The following PGRMC2 variants were observed in gnomAD, a reference collection of about 807,000 sequenced individuals.
PGRMC2 encodes progesterone receptor membrane component 2, also known as membrane-associated progesterone receptor component 2.
A neutral mutation model predicts 19.3 loss-of-function variants in PGRMC2; 9 were observed. That is an observed-to-expected ratio of 0.47 (90% CI 0.28 to 0.81). The LOEUF is 0.81. PGRMC2 is among the 40% of genes least tolerant of loss of function. The pLI is 0.11. For synonymous variants in PGRMC2, 157 were observed against 124.6 expected, an observed-to-expected ratio of 1.26 and a Z score of -1.73; for missense variants, 289 against 297.3, an observed-to-expected ratio of 0.97 and a Z score of 0.21.
chr4:128,278,685 A>G (rs936460350), intron 1 of PGRMC2, among the ~76,000 whole-genome samples: 3 of 152,212 alleles, frequency 2.0e-5, no homozygotes, highest in Non-Finnish European at 4.4e-5. Flanking sequence ...TACTAAAAAA[A>G]CTACAGATTT....
intron 1 of PGRMC2, among the ~76,000 whole-genome samples, chr4:128,279,364 C>T (rs7677888): frequency 0.23 from 35,131 of 152,040 alleles, 4,319 homozygotes; most frequent in Admixed American, 0.3. Context: ...ACCATTTTAA[C>T]CTCTCAAGAG....
intron 1 of PGRMC2, among the ~76,000 whole-genome samples, chr4:128,284,120 GTTTT>G (rs1482226199): frequency 6.6e-6 from 1 of 151,832 alleles, no homozygotes; most frequent in South Asian, 2.1e-4. Context: ...CGAAAGGCAT[GTTTT>G]TTTTGAGGCT....
rs1554073301 is a variant in PGRMC2, at chr4:128,287,638, G to GC, written c.152dup (p.Gly52ArgfsTer98). ...GCGCCACGTTCAGCAGCATTTCCCC[G>GC]CCCCCCGTCAGAAGCGCCAACGCCG... On this transcript the variant is annotated frameshift_variant, in exon 1 of 3. Coordinates refer to ENST00000296425, the MANE Select transcript of PGRMC2 (RefSeq NM_006320.6). LOFTEE classifies it high-confidence loss of function. 6.9e-7 allele frequency: 1 copy of GC among 1,454,862 alleles called. No homozygotes were observed. The highest frequency in any genetic ancestry group is 1.2e-5 in the South Asian group (1 of 82,384). The allele number at this position is 1,454,862 out of a possible 1,614,324, so 90.1% of individuals were successfully genotyped here.
intron 1 of PGRMC2, among the ~76,000 whole-genome samples, chr4:128,281,481 A>G (rs922107967): frequency 6.6e-6 from 1 of 152,182 alleles, no homozygotes; most frequent in Non-Finnish European, 1.5e-5. Flanking sequence ...AGTAGAGGAG[A>G]GAAAATGGAA....
At position 128,287,812 on chromosome 4, in the gene PGRMC2, T is replaced by A; in HGVS notation, c.-22A>T. ...CCATCACTGCCCGCCAGCGCCTTCC[T>A]CCTCCTCCCCGCCCCCTGCCCTCCC... On this transcript the variant is annotated 5_prime_UTR_variant, in exon 1 of 3. Coordinates refer to ENST00000296425, the MANE Select transcript of PGRMC2 (RefSeq NM_006320.6). 6.6e-7 allele frequency: 1 copy of A among 1,513,648 alleles called. No individual in the cohort carries two copies. Among genetic ancestry groups the A allele is most frequent in the Non-Finnish European group, 8.9e-7 (1 of 1,117,954 alleles). 93.8% of individuals were successfully genotyped at this position (1,513,648 alleles called of 1,614,324 possible).
chr4:128,280,221 TAAGA>T (rs1760886786), intron 1 of PGRMC2, among the ~76,000 whole-genome samples: 1 of 151,568 alleles, frequency 6.6e-6, no homozygotes, highest in Admixed American at 6.6e-5. Context: ...TTAAAATTAT[TAAGA>T]AATGGTACAA....
In PGRMC2 at chr4:128,284,175, GA is replaced by G. The variant is rs531930635; in HGVS notation, c.418+3197del. 9.4e-4 allele frequency among the ~76,000 whole-genome samples: 143 copies of G among 152,132 alleles called. 2 individuals are homozygous for G. The highest frequency in any genetic ancestry group is 3.2e-3 in the African/African-American group (132 of 41,500). Reference sequence around the variant, plus strand: ...TATGGGAACCAGGGAAGAGTATAAAGAAAAACAACAGTAAGATTCTCTACAA... The same window carrying G: ...TATGGGAACCAGGGAAGAGTATAAAGAAAACAACAGTAAGATTCTCTACAA... On this transcript the variant is annotated intron_variant, in intron 1 of 2. Coordinates refer to ENST00000296425, the MANE Select transcript of PGRMC2 (RefSeq NM_006320.6).
intron 1 of PGRMC2, among the ~76,000 whole-genome samples, chr4:128,283,737 A>G (rs1044114395): frequency 6.6e-6 from 1 of 151,458 alleles, no homozygotes; most frequent in Non-Finnish European, 1.5e-5. Flanking sequence ...AGCTCACTGC[A>G]ACCTCCACCT....
Position 128,272,653 on chromosome 4 carries a change from A to C in PGRMC2, c.419-136T>G, listed in dbSNP as rs1007676906. On this transcript the variant is annotated intron_variant, in intron 1 of 2. Coordinates refer to ENST00000296425, the MANE Select transcript of PGRMC2 (RefSeq NM_006320.6). The stretch of plus-strand genomic sequence containing the variant: ...TAATTCACATTTGTATATACCCTTA[A>C]TTTCAAAACATGTACAGATACTAGA... 2.2e-5 allele frequency: 10 copies of C among 462,096 alleles called. No individual in the cohort carries two copies. In the East Asian group the frequency reaches 3.1e-4, roughly 15 times the overall value. The allele number at this position is 462,096 out of a possible 1,614,324, so 28.6% of individuals were successfully genotyped here.
chr4:128,272,921 A>C (rs1438692854), intron 1 of PGRMC2: 1 of 154,180 alleles, frequency 6.5e-6, no homozygotes, highest in African/African-American at 2.4e-5. Context: ...AAATAAAAAT[A>C]ATCAACAGAA....
At chr4:128,287,197 G>A (rs1385610873) in intron 1 of PGRMC2, 176 bp downstream of exon 1, 2 of 592,332 alleles carry the variant, frequency 3.4e-6, no homozygotes, top group Admixed American at 3.6e-5. Flanking sequence ...GTAGCTGCGG[G>A]GGGACGGTGT....
At chr4:128,283,463 G>C (rs1365026086) in intron 1 of PGRMC2, among the ~76,000 whole-genome samples, 2 of 152,138 alleles carry the variant, frequency 1.3e-5, no homozygotes, top group Admixed American at 6.5e-5. Context: ...TGCAGTAGGT[G>C]GCACGCCAGT....
intron 1 of PGRMC2, among the ~76,000 whole-genome samples, chr4:128,285,160 C>CT: frequency 6.6e-6 from 1 of 152,230 alleles, no homozygotes; most frequent in East Asian, 1.9e-4. Context: ...GAGTCTCTCT[C>CT]TGTCGCCCAG....
At chr4:128,284,620 A>T (rs544047117) in intron 1 of PGRMC2, among the ~76,000 whole-genome samples, 56 of 151,062 alleles carry the variant, frequency 3.7e-4, no homozygotes, top group Non-Finnish European at 6.9e-4. Flanking sequence ...ATGACTAAAA[A>T]TAAACACATG....
chr4:128,286,636 T>C (rs1256508840), intron 1 of PGRMC2: 2 of 398,268 alleles, frequency 5.0e-6, no homozygotes, highest in African/African-American at 2.1e-5. Context: ...GTATAGGAGC[T>C]CCACCCCCAA....
At chr4:128,273,543 A>G (rs1439492521) in intron 1 of PGRMC2, among the ~76,000 whole-genome samples, 1 of 152,220 alleles carries the variant, frequency 6.6e-6, no homozygotes, top group East Asian at 1.9e-4. Flanking sequence ...AGGCAAAGAC[A>G]CTATTATGAA....
intron 2 of PGRMC2, among the ~76,000 whole-genome samples, chr4:128,271,840 A>G (rs1030404635): frequency 8.5e-5 from 13 of 152,234 alleles, no homozygotes; most frequent in Admixed American, 6.5e-5. Flanking sequence ...AGGGCATAAG[A>G]AAGGGGAAAG....
At chr4:128,285,122 C>T (rs1760964045) in intron 1 of PGRMC2, among the ~76,000 whole-genome samples, 1 of 151,028 alleles carries the variant, frequency 6.6e-6, no homozygotes, top group Admixed American at 6.6e-5. Context: ...CCACCTATGA[C>T]TCTTAATTTT....
At chr4:128,276,612 T>A (rs1447067669) in intron 1 of PGRMC2, among the ~76,000 whole-genome samples, 1 of 152,204 alleles carries the variant, frequency 6.6e-6, no homozygotes, top group African/African-American at 2.4e-5. Context: ...CATGAGCCAC[T>A]GTGCCCAGCC....
Sources: allele counts gnomAD v4.1 joint callset (sites outside exome capture counted in the v4.1 genomes callset), GRCh38; gene constraint gnomAD v4.1.1; transcripts MANE v1.5; gene names NCBI Gene and HGNC (gene_info 2026-07-23, HGNC 2026-07-21).